Variants in NCL observed in about 807,000 individuals in gnomAD.
NCL encodes nucleolin multifunctional protein.
In NCL, 4 loss-of-function variants were observed where a neutral mutation model predicts 77.7. That is an observed-to-expected ratio of 0.05 (90% confidence interval 0.03 to 0.12). The LOEUF (loss-of-function observed/expected upper bound fraction) is 0.12. Ranked by LOEUF, NCL falls within the 10% of genes least tolerant of loss-of-function variation. The pLI is 1.00. For missense variants in NCL, 763 were observed against 860.9 expected (o/e 0.89, Z 1.42); for synonymous variants, 344 against 297.8 (o/e 1.16, Z -1.60).
chr2:231,459,497 T>C (rs951510202), intron 6 of NCL, among the ~76,000 whole-genome samples: 1 of 152,000 alleles, frequency 6.6e-6, no homozygotes, highest in African/African-American at 2.4e-5. Flanking sequence ...AAATAAACAT[T>C]ATTTTAAATT....
At chr2:231,457,282 G>A (rs1298618959) in intron 9 of NCL, 158 bp from the exon 10 acceptor site, 8 of 1,018,566 alleles carry the variant, frequency 7.9e-6, no homozygotes, top group South Asian at 1.3e-5. Flanking sequence ...AACATATTAA[G>A]TACCTAGTAC....
chr2:231,462,412 A>C (rs1575263859), intron 2 of NCL: 1 of 388,694 alleles, frequency 2.6e-6, no homozygotes, highest in East Asian at 7.1e-5. Flanking sequence ...TTAACTTATT[A>C]AATCATTTGG....
chr2:231,457,494 A>C (rs1239009243), intron 9 of NCL, 149 bp downstream of exon 9: 2 of 853,598 alleles, frequency 2.3e-6, no homozygotes, highest in Non-Finnish European at 3.8e-6. Flanking sequence ...TATTCCAAAT[A>C]AGAGTATGAC....
intron 5 of NCL, 28 bp downstream of exon 5, chr2:231,460,450 C>G (rs1055667627): frequency 1.4e-5 from 22 of 1,604,116 alleles, no homozygotes; most frequent in African/African-American, 5.4e-5. Flanking sequence ...TGTTTATCTC[C>G]CCCATATCCC....
chr2:231,454,840 C>T lies in NCL; in HGVS notation c.*351G>A, dbSNP rs185095256. 2.7e-3 allele frequency: 446 copies of T among 167,830 alleles called. 1 individual carries two copies. The highest frequency in any genetic ancestry group is 3.7e-3 in the Non-Finnish European group (314 of 85,356). 10.4% of individuals were successfully genotyped at this position (167,830 alleles called of 1,614,324 possible). On this transcript the variant is annotated 3_prime_UTR_variant, in exon 14 of 14. Transcript: ENST00000322723. The stretch of plus-strand genomic sequence containing the variant: ...TGCTTTCTTTTCTTTTACAACCCCA[C>T]GAACGCAAAAAAAAAAAAAACAAAA...
Position 231,460,290 on chromosome 2 carries a change from G to T in NCL, c.902C>A (p.Thr301Lys). ...GAGATTGAAAGCCGTAGTCGGTTCT[G>T]TGCCTGCACAAAAAAAGCTCAACTC... is the stretch of plus-strand genomic sequence containing the variant. Reference protein sequence around the residue: ...PEAKKQKVEGTEPTTAFNLFV... With the variant: ...PEAKKQKVEGKEPTTAFNLFV... The change falls in exon 6 of 14, where the codon ACA becomes AAA. Residue 301 changes from threonine to lysine, a missense_variant. By Grantham distance (78) the Thr-to-Lys change is moderately conservative (BLOSUM62 -1). Around this residue, in one of 2 missense-constraint regions of NCL, gnomAD observed 590 missense variants for 570.5 expected, o/e 1.03. Transcript: ENST00000322723. The T allele has an allele frequency of 6.2e-7, 1 of 1,613,894 alleles. No homozygotes were observed. Among genetic ancestry groups the T allele is most frequent in the Non-Finnish European group, 8.5e-7 (1 of 1,179,930 alleles).
At chr2:231,457,910 G>A in intron 8 of NCL, 110 bp from the exon 9 acceptor site, 1 of 982,190 alleles carries the variant, frequency 1.0e-6, no homozygotes, top group Non-Finnish European at 1.4e-6. Flanking sequence ...AATGCCCTTA[G>A]TTTTATGCCA....
rs753802908 is a variant in NCL, at chr2:231,461,553, GTCA to G, written c.597_599del (p.Asp201del). On this transcript the variant is annotated inframe_deletion, in exon 3 of 14. Coordinates refer to ENST00000322723, the MANE Select transcript of NCL (RefSeq NM_005381.3). ...ACAACTCCTTACCATCTTCCTCATC[GTCA>G]TCGTCATCCTCATCATCTTCGTCAT... 1.1e-4 allele frequency: 181 copies of G among 1,612,800 alleles called. No homozygotes were observed. Among genetic ancestry groups the G allele is most frequent in the Admixed American group, 2.2e-4 (13 of 59,980 alleles).
intron 2 of NCL, 98 bp from the exon 3 acceptor site, chr2:231,462,115 G>C (rs1422739980): frequency 6.9e-7 from 1 of 1,443,730 alleles, no homozygotes; most frequent in African/African-American, 1.4e-5. Context: ...AATGCCTCTG[G>C]TTCAAGACCA....
chr2:231,458,107 CAT>C (rs1235029294), intron 8 of NCL, among the ~76,000 whole-genome samples, 157 bp downstream of exon 8: 18 of 152,314 alleles, frequency 1.2e-4, no homozygotes, highest in Middle Eastern at 3.4e-3. Context: ...CCTATGAGTA[CAT>C]TATCCCCATG....
At position 231,463,279 on chromosome 2, in the gene NCL, G is replaced by C; in HGVS notation, c.56C>G (p.Pro19Arg). 1 of 1,612,180 alleles carries C rather than the reference G, an allele frequency of 6.2e-7. No homozygotes were observed. The highest frequency in any genetic ancestry group is 1.3e-5 in the African/African-American group (1 of 74,908). ...KNQGDPKKMA[P>R]PPKEVEEDSE... is the part of the protein sequence containing the mutation. Reference sequence around the variant, plus strand: ...ATCTTCTTCTACCTCCTTTGGAGGAGGAGCCATTTTCTTGGGGTCACCTTG... The same window carrying C: ...ATCTTCTTCTACCTCCTTTGGAGGACGAGCCATTTTCTTGGGGTCACCTTG... Residue 19 changes from proline (P) to arginine (R), a missense_variant, in exon 2 of 14, where the codon CCT becomes CGT. Physicochemically the swap from Pro to Arg is moderately radical, Grantham distance 103 (BLOSUM62 -2). This residue lies in a region of NCL where 590 missense variants were observed against 570.5 expected (regional missense o/e 1.03). Transcript: ENST00000322723.
In NCL at chr2:231,456,561, T is replaced by C. The variant is rs778632926; in HGVS notation, c.1705+70A>G. 8.1e-6 allele frequency: 13 copies of C among 1,602,760 alleles called. No individual in the cohort carries two copies. In the African/African-American group the frequency reaches 1.6e-4, roughly 20 times the overall value. ...TCAGTAGCAACAGGAAACACAGAAT[T>C]TGTGCAAAAAATAAACAAAGCACCG... On this transcript the variant is annotated intron_variant, in intron 11 of 13. Coordinates refer to ENST00000322723, the MANE Select transcript of NCL (RefSeq NM_005381.3).
chr2:231,456,788 AGAGT>A (rs751935664), intron 10 of NCL, 24 bp from the exon 11 acceptor site: 298 of 1,612,770 alleles, frequency 1.8e-4, no homozygotes, highest in South Asian at 5.3e-4. Flanking sequence ...GTTAATGCTT[AGAGT>A]AAGTTACCAG....
At position 231,460,685 on chromosome 2, in the gene NCL, T is replaced by TTCC. The variant is rs199829854; in HGVS notation, c.792_794dup (p.Glu271dup). 3.7e-6 allele frequency: 6 copies of TTCC among 1,612,664 alleles called. No homozygotes were observed. The East Asian group carries it at 1.1e-4, about 30-fold the overall frequency. On this transcript the variant is annotated inframe_insertion, in exon 4 of 14. Transcript: ENST00000322723. ...TTTAAGTACCTTCCTCCTCCTCTTCTTCCTCCTCCTCATCATCTTCATCAT... is the reference window on the plus strand; with the variant it reads ...TTTAAGTACCTTCCTCCTCCTCTTCTTCCTCCTCCTCCTCATCATCTTCATCAT...
intron 1 of NCL, chr2:231,464,084 C>G (rs1425117672): frequency 7.4e-7 from 1 of 1,346,334 alleles, no homozygotes; most frequent in African/African-American, 1.5e-5. Flanking sequence ...CGAGGCCCAG[C>G]GCCCCCTCCC....
At chr2:231,460,355 A>G in intron 5 of NCL, 62 bp from the exon 6 acceptor site, 2 of 1,609,016 alleles carry the variant, frequency 1.2e-6, no homozygotes, top group Non-Finnish European at 1.7e-6. Flanking sequence ...TTTCCAAAGC[A>G]AAATTTCTAT....
chr2:231,455,100 G>A lies in NCL; in HGVS notation c.*91C>T. ...ACAGGACTGTATACTGTCTTGGAAT[G>A]TCCTCAGAAGGCTCTGTCATTGATC... On this transcript the variant is annotated 3_prime_UTR_variant, in exon 14 of 14. Transcript: ENST00000322723. The A allele has an allele frequency of 6.5e-6, 9 of 1,395,010 alleles. No individual in the cohort carries two copies. The highest frequency in any genetic ancestry group is 9.1e-6 in the Non-Finnish European group (9 of 987,146). The allele number at this position is 1,395,010 out of a possible 1,614,324, so 86.4% of individuals were successfully genotyped here. A position where few individuals can be genotyped will look rare whatever the true frequency, so the allele number is the denominator to read the frequency against.
rs780211897 is a variant in NCL, at chr2:231,455,416, G to A, written c.2041C>T (p.Arg681Trp). ...GGRGGFGGRG[R>W]GGFGGRGGFR... ...CGTGCCTTACCTCCAAAGCCTCCCCGGCCTCTGCCACCAAATCCTCCTCGG... is the reference window on the plus strand; with the variant it reads ...CGTGCCTTACCTCCAAAGCCTCCCCAGCCTCTGCCACCAAATCCTCCTCGG... Residue 681 changes from arginine (R) to tryptophan (W), a missense_variant, in exon 13 of 14, where the codon CGG (arginine) becomes TGG (tryptophan). Transcript: ENST00000322723. The A allele has an allele frequency of 1.1e-5, 18 of 1,613,822 alleles. No individual in the cohort carries two copies. Among genetic ancestry groups the A allele is most frequent in the East Asian group, 4.5e-5 (2 of 44,894 alleles).
Position 231,464,437 on chromosome 2 carries a change from G to A in NCL, c.-84C>T, listed in dbSNP as rs866608233. Reference sequence around the variant, plus strand: ...GACGGCGATGGCGGCCGCGGGTGCTGAAGATCCCGGAGCACGTACACCCGA... The same window carrying A: ...GACGGCGATGGCGGCCGCGGGTGCTAAAGATCCCGGAGCACGTACACCCGA... On this transcript the variant is annotated 5_prime_UTR_variant, in exon 1 of 14. Coordinates refer to ENST00000322723, the MANE Select transcript of NCL (RefSeq NM_005381.3). The A allele has an allele frequency of 1.8e-5, 27 of 1,529,302 alleles. No individual in the cohort carries two copies. The East Asian group carries it at 3.6e-4, about 21-fold the overall frequency. 94.7% of individuals were successfully genotyped at this position (1,529,302 alleles called of 1,614,324 possible). A position where few individuals can be genotyped will look rare whatever the true frequency, so the allele number is the denominator to read the frequency against.
Sources: gnomAD v4.1 joint callset for allele counts (sites outside exome capture counted in the v4.1 genomes callset) on GRCh38, gnomAD v4.1.1 for gene constraint, gnomAD v4.1.1 regional missense constraint, MANE v1.5 for transcripts, NCBI Gene and HGNC (gene_info 2026-07-23, HGNC 2026-07-21) for gene names.